The following ARID1B variants were observed in gnomAD, a reference collection of about 807,000 sequenced individuals.
The protein encoded by ARID1B is AT-rich interactive domain-containing protein 1B.
ARID1B carries 30 observed loss-of-function variants against 212.3 expected under a neutral mutation model. The ratio of observed to expected loss-of-function variants is 0.14; its 90% CI spans 0.11 to 0.19. The LOEUF (loss-of-function observed/expected upper bound fraction) is 0.19, where lower values mean the gene tolerates loss of function less well. ARID1B is among the 10% of genes least tolerant of loss of function. ARID1B has a pLI of 1.00. For missense variants in ARID1B, 2,891 were observed against 3,204.0 expected (o/e 0.90, Z 2.36); for synonymous variants, 1,402 against 1,301.7 (o/e 1.08, Z -1.66).
At chr6:157,116,249 G>A (rs1787315688) in intron 6 of ARID1B, among the ~76,000 whole-genome samples, 1 of 152,016 alleles carries the variant, frequency 6.6e-6, no homozygotes, top group Non-Finnish European at 1.5e-5. Context: ...ACTAACAAAT[G>A]CCCTTCTAGT....
At chr6:156,815,950 C>G (rs574310928) in intron 1 of ARID1B, among the ~76,000 whole-genome samples, 1 of 152,162 alleles carries the variant, frequency 6.6e-6, no homozygotes, top group Admixed American at 6.5e-5. Flanking sequence ...TTGAGTTCAA[C>G]CAAGTTAAGT....
At position 157,105,472 on chromosome 6, in the gene ARID1B, G is replaced by A. The variant is rs148899974; in HGVS notation, c.2492-5000G>A. 5.6e-3 allele frequency among the ~76,000 whole-genome samples: 845 copies of A among 152,132 alleles called. 8 individuals are homozygous for A. Among genetic ancestry groups the A allele is most frequent in the African/African-American group, 0.018 (754 of 41,496 alleles). ...GAACCCTTAAAAATTCCAGGGCAAAGGATTAAGAACGTAAGCAGAAAAATA... is the reference window on the plus strand; with the variant it reads ...GAACCCTTAAAAATTCCAGGGCAAAAGATTAAGAACGTAAGCAGAAAAATA... On this transcript the variant is annotated intron_variant, in intron 5 of 19. Transcript: ENST00000636930.
chr6:156,793,271 A>G (rs1472920163), intron 1 of ARID1B, among the ~76,000 whole-genome samples: 1 of 152,178 alleles, frequency 6.6e-6, no homozygotes, highest in Non-Finnish European at 1.5e-5. Context: ...ACAGTGAAGG[A>G]GAGCAGCCAG....
chr6:157,172,068 C>A (rs1427889541), intron 9 of ARID1B, among the ~76,000 whole-genome samples: 1 of 152,214 alleles, frequency 6.6e-6, no homozygotes, highest in Non-Finnish European at 1.5e-5. Context: ...TTCCTTTGAA[C>A]CCGCTCTGAA....
chr6:157,032,852 C>T (rs773265439), intron 4 of ARID1B, among the ~76,000 whole-genome samples: 3 of 152,070 alleles, frequency 2.0e-5, no homozygotes, highest in Non-Finnish European at 2.9e-5. Context: ...CTGATGGTAG[C>T]TTACTGTGCA....
chr6:156,896,740 G>A (rs907317839), intron 2 of ARID1B, among the ~76,000 whole-genome samples: 8 of 151,976 alleles, frequency 5.3e-5, no homozygotes, highest in Non-Finnish European at 1.2e-4. Context: ...TTAGCCTGGC[G>A]TGGTGGCATG....
chr6:156,902,735 CAAAAAAAAAAAAA>C (rs869259426), intron 3 of ARID1B, among the ~76,000 whole-genome samples: 6 of 61,674 alleles, frequency 9.7e-5, no homozygotes, highest in Non-Finnish European at 6.7e-5. Context: ...GACTCTGTCT[CAAAAAAAAAAAAA>C]AAAAAAAAAA....
chr6:157,183,396 T>G (rs183338079), intron 12 of ARID1B, among the ~76,000 whole-genome samples: 1 of 152,138 alleles, frequency 6.6e-6, no homozygotes, highest in Non-Finnish European at 1.5e-5. Flanking sequence ...TAAAAACCAC[T>G]GTCCCCTTAC....
intron 3 of ARID1B, among the ~76,000 whole-genome samples, chr6:156,923,764 G>A (rs1790995529): frequency 6.6e-6 from 1 of 150,998 alleles, no homozygotes; most frequent in African/African-American, 2.4e-5. Flanking sequence ...GAGTGCAGTG[G>A]TACAATCTCG....
chr6:157,019,111 G>T (rs1375613438), intron 4 of ARID1B, among the ~76,000 whole-genome samples: 1 of 152,196 alleles, frequency 6.6e-6, no homozygotes, highest in East Asian at 1.9e-4. Context: ...GAGGTAAGAA[G>T]TCTAGACCCA....
At chr6:157,123,921 G>C (rs1787952202) in intron 6 of ARID1B, among the ~76,000 whole-genome samples, 2 of 152,240 alleles carry the variant, frequency 1.3e-5, no homozygotes, top group South Asian at 4.1e-4. Flanking sequence ...AAGTGGTGAA[G>C]ACACGATTTG....
chr6:156,843,320 T>C (rs1415745694), intron 2 of ARID1B, among the ~76,000 whole-genome samples: 1 of 152,200 alleles, frequency 6.6e-6, no homozygotes, highest in Non-Finnish European at 1.5e-5. Flanking sequence ...AATTAAAAAG[T>C]GTTTCACTGG....
chr6:157,089,917 G>A (rs570298434), intron 5 of ARID1B, among the ~76,000 whole-genome samples: 9 of 152,252 alleles, frequency 5.9e-5, no homozygotes, highest in African/African-American at 1.7e-4. Context: ...ATATCCTAGC[G>A]TTTTTCACTT....
intron 2 of ARID1B, among the ~76,000 whole-genome samples, chr6:156,868,383 T>C (rs1785866450): frequency 6.6e-6 from 1 of 152,246 alleles, no homozygotes; most frequent in Admixed American, 6.5e-5. Flanking sequence ...ACAGAAATGC[T>C]GAAAGGGTTT....
chr6:156,823,704 T>G (rs1242243895), intron 1 of ARID1B, among the ~76,000 whole-genome samples: 3 of 150,998 alleles, frequency 2.0e-5, no homozygotes, highest in South Asian at 2.1e-4. Context: ...TTTTTTTTTT[T>G]TGTGAAGTGT....
chr6:156,975,602 A>ATTTTT (rs57649427), intron 4 of ARID1B, among the ~76,000 whole-genome samples: 7 of 86,290 alleles, frequency 8.1e-5, no homozygotes, highest in Admixed American at 2.2e-4. Context: ...GTTTGACTGT[A>ATTTTT]TTTTTTTTTT....
At chr6:157,179,144 C>T (rs1278184798) in intron 11 of ARID1B, among the ~76,000 whole-genome samples, 9 of 151,980 alleles carry the variant, frequency 5.9e-5, no homozygotes, top group Admixed American at 2.0e-4. Flanking sequence ...CTTTTGAAAA[C>T]GTTGGACCCA....
intron 4 of ARID1B, among the ~76,000 whole-genome samples, chr6:157,056,913 G>A (rs537848626): frequency 6.7e-6 from 1 of 149,946 alleles, no homozygotes; most frequent in East Asian, 1.9e-4. Flanking sequence ...TTTTAAATAA[G>A]TTTAAGTTCA....
intron 1 of ARID1B, among the ~76,000 whole-genome samples, chr6:156,807,480 A>T: frequency 6.6e-6 from 1 of 150,774 alleles, no homozygotes; most frequent in African/African-American, 2.4e-5. Context: ...AGAGTTACAG[A>T]CATGTAGTGC....
Sources: gnomAD v4.1 joint callset for allele counts (sites outside exome capture counted in the v4.1 genomes callset) on GRCh38, gnomAD v4.1.1 for gene constraint, MANE v1.5 for transcripts, NCBI Gene and HGNC (gene_info 2026-07-23, HGNC 2026-07-21) for gene names.